The following ITGAL variants were observed in gnomAD, a reference collection of about 807,000 sequenced individuals.
ITGAL encodes the protein integrin alpha-L.
Under a neutral mutation model 138.4 loss-of-function variants are expected in ITGAL, and 68 were observed. That is an observed-to-expected ratio of 0.49 (90% CI 0.40 to 0.60). The LOEUF is 0.60. Ranked by LOEUF, ITGAL falls within the 20% of genes least tolerant of loss-of-function variation. The pLI is 0.00. For missense variants in ITGAL, 1,256 were observed against 1,478.6 expected (o/e 0.85, Z 2.47); for synonymous variants, 561 against 584.3 (o/e 0.96, Z 0.57).
intron 24 of ITGAL, among the ~76,000 whole-genome samples, chr16:30,511,515 C>G (rs573411778): frequency 6.6e-6 from 1 of 152,180 alleles, no homozygotes; most frequent in Non-Finnish European, 1.5e-5. Flanking sequence ...AAGGCCGGCA[C>G]TTACCCAAGG....
rs750907565 is a variant in ITGAL at position 30,511,038 on chromosome 16, GC to G, written c.2700-8del. 2 of 1,613,300 alleles carry G rather than the reference GC, an allele frequency of 1.2e-6. No homozygotes were observed. Among genetic ancestry groups the G allele is most frequent in the Non-Finnish European group, 1.7e-6 (2 of 1,179,394 alleles). On this transcript the variant is annotated splice_polypyrimidine_tract_variant and intron_variant, in intron 23 of 30. Transcript: ENST00000356798. ...TTCTCCTAACACTGGCCTCTTCCTT[GC>G]CCCAATGCAGTAACAATGAGGACTC...
intron 18 of ITGAL, among the ~76,000 whole-genome samples, chr16:30,504,719 A>G (rs1226590244): frequency 6.6e-5 from 10 of 150,528 alleles, no homozygotes; most frequent in East Asian, 2.0e-4. Context: ...AAAGAAGAAA[A>G]AAAAAAAAAA....
chr16:30,499,078 C>T lies in ITGAL; in HGVS notation c.1837C>T (p.Arg613Trp), dbSNP rs1428037729. The change falls in exon 16 of 31, where the codon CGG becomes TGG. Residue 613 changes from arginine (R) to tryptophan (W), a missense_variant. Transcript: ENST00000356798. ...TGGTTGCCTTCTGCCCTGCAGCTCC[C>T]GGCCCGTGGTGGATATGGTCACCCT... The part of the protein sequence containing the change: ...AESQMIVLSS[R>W]PVVDMVTLMS... 6 of 1,613,666 alleles carry T rather than the reference C, an allele frequency of 3.7e-6. No homozygotes were observed. In the Admixed American group the frequency reaches 5.0e-5, roughly 13 times the overall value.
intron 17 of ITGAL, among the ~76,000 whole-genome samples, chr16:30,503,130 A>G (rs2151164681): frequency 6.6e-6 from 1 of 152,212 alleles, no homozygotes; most frequent in South Asian, 2.1e-4. Flanking sequence ...TAAACTTTTT[A>G]TTATGAGAAT....
Position 30,494,330 on chromosome 16 carries a change from C to T in ITGAL, c.1332C>T (p.His444=), listed in dbSNP as rs886682521. 2.5e-6 allele frequency: 4 copies of T among 1,612,328 alleles called. No individual in the cohort carries two copies. The highest frequency in any genetic ancestry group is 1.6e-4 in the Middle Eastern group (1 of 6,072). The stretch of plus-strand genomic sequence containing the variant: ...TCCAAGAGCCACAGGGCGGAGGACA[C>T]TGGAGCCAGGTCCAGACAATCCATG... ...LLFQEPQGGG[H]WSQVQTIHGT... is the part of the protein sequence containing the mutation. Residue 444 remains histidine, a synonymous_variant, in exon 12 of 31, where the codon CAC becomes CAT. Coordinates refer to ENST00000356798, the MANE Select transcript of ITGAL (RefSeq NM_002209.3). This position sits in a 1 kb window ranked among gnomAD's most constrained non-coding sequence, Gnocchi z 4.2.
intron 9 of ITGAL, among the ~76,000 whole-genome samples, chr16:30,484,917 C>CACACA (rs2050617906): frequency 6.6e-6 from 1 of 151,378 alleles, no homozygotes; most frequent in African/African-American, 2.4e-5. Context: ...GACTCAGTCT[C>CACACA]AAACAAAACA....
Position 30,475,366 on chromosome 16 carries a change from G to C in ITGAL, c.225G>C (p.Ser75=). 6.2e-7 allele frequency: 1 copy of C among 1,613,910 alleles called. No homozygotes were observed. The highest frequency in any genetic ancestry group is 8.5e-7 in the Non-Finnish European group (1 of 1,179,856). The part of the protein sequence containing the change: ...NSTGSLYQCQ[S]GTGHCLPVTL... ...CAGGAAGCCTCTATCAGTGCCAGTC[G>C]GGCACAGGACACTGCCTGCCAGTCA... Residue 75 remains serine (S), a synonymous_variant, in exon 3 of 31, where the codon TCG becomes TCC. Transcript: ENST00000356798.
At chr16:30,514,049 A>C (rs2051130841) in intron 25 of ITGAL, among the ~76,000 whole-genome samples, 1 of 152,176 alleles carries the variant, frequency 6.6e-6, no homozygotes, top group African/African-American at 2.4e-5. Flanking sequence ...TGGATGCATT[A>C]TTTCAAGAAT....
At chr16:30,500,394 T>C (rs1295758275) in intron 17 of ITGAL, among the ~76,000 whole-genome samples, 1 of 151,916 alleles carries the variant, frequency 6.6e-6, no homozygotes, top group Admixed American at 6.6e-5. Flanking sequence ...CCATATTTTA[T>C]ATTTTTAGAG....
chr16:30,517,841 G>C lies in ITGAL; in HGVS notation c.3078G>C (p.Arg1026Ser). 6.2e-7 allele frequency: 1 copy of C among 1,614,162 alleles called. No individual in the cohort carries two copies. Among genetic ancestry groups the C allele is most frequent in the South Asian group, 1.1e-5 (1 of 91,088 alleles). ...TGTTCCGCTGCCCTGTTGTCTTCAG[G>C]CAGGAGATCCTCGTCCAAGTGATCG... ...GALFRCPVVF[R>S]QEILVQVIGT... is the part of the protein sequence containing the mutation. Residue 1026 changes from arginine (R) to serine (S), a missense_variant, in exon 28 of 31, where the codon AGG (arginine) becomes AGC (serine). Coordinates refer to ENST00000356798, the MANE Select transcript of ITGAL (RefSeq NM_002209.3).
chr16:30,489,773 TA>T (rs1440483017), intron 11 of ITGAL, among the ~76,000 whole-genome samples: 1 of 151,780 alleles, frequency 6.6e-6, no homozygotes, highest in African/African-American at 2.4e-5. Flanking sequence ...CTGTCTCTAC[TA>T]AAAATACAAA....
rs771305502 is a variant in ITGAL, at chr16:30,481,520, C to T, written c.658C>T (p.Leu220=). The stretch of plus-strand genomic sequence containing the variant: ...TGTTAAACGGAAGGACCCTGATGCT[C>T]TGCTGAAGCATGTAAAGCACATGTT... The part of the protein sequence containing the change: ...DYVKRKDPDA[L]LKHVKHMLLL... The change falls in exon 7 of 31, where the codon CTG becomes TTG. Residue 220 remains leucine (L), a synonymous_variant. Coordinates refer to ENST00000356798, the MANE Select transcript of ITGAL (RefSeq NM_002209.3). 6.2e-7 allele frequency: 1 copy of T among 1,613,516 alleles called. No individual in the cohort carries two copies. Among genetic ancestry groups the T allele is most frequent in the Non-Finnish European group, 8.5e-7 (1 of 1,179,570 alleles).
At chr16:30,493,528 G>A (rs1033917832) in intron 11 of ITGAL, among the ~76,000 whole-genome samples, 2 of 151,892 alleles carry the variant, frequency 1.3e-5, no homozygotes, top group African/African-American at 2.4e-5. Context: ...CACCTGCCTC[G>A]GCCTCCCAAA....
intron 21 of ITGAL, among the ~76,000 whole-genome samples, chr16:30,507,197 C>T (rs950469716): frequency 2.0e-5 from 3 of 151,942 alleles, no homozygotes; most frequent in Admixed American, 6.6e-5. Flanking sequence ...TGGTGGCTCA[C>T]GCCTGTAATC....
At position 30,494,901 on chromosome 16, in the gene ITGAL, C is replaced by G; in HGVS notation, c.1503+51C>G. The stretch of plus-strand genomic sequence containing the variant: ...GGGAGGAGGGAGAGCAGCAGAGATT[C>G]GCAGCTCCCAGTTATTCTGAAGGCT... On this transcript the variant is annotated intron_variant, in intron 13 of 30. Transcript: ENST00000356798. The surrounding 1 kb of genome is among the most constrained non-coding windows in gnomAD (Gnocchi z 4.2). The G allele has an allele frequency of 1.3e-6, 2 of 1,526,442 alleles. No homozygotes were observed. The highest frequency in any genetic ancestry group is 4.6e-5 in the East Asian group (2 of 43,320). The allele number at this position is 1,526,442 out of a possible 1,614,324, so 94.6% of individuals were successfully genotyped here.
In ITGAL at chr16:30,483,893, G is replaced by C. The variant is rs371338502; in HGVS notation, c.789G>C (p.Thr263=). The C allele has an allele frequency of 3.1e-6, 5 of 1,614,080 alleles. No individual in the cohort carries two copies. Among genetic ancestry groups the C allele is most frequent in the South Asian group, 1.1e-5 (1 of 91,078 alleles). Residue 263 remains threonine (T), a synonymous_variant, in exon 8 of 31, where the codon ACG becomes ACC. Coordinates refer to ENST00000356798, the MANE Select transcript of ITGAL (RefSeq NM_002209.3). ...CCACCAAAGTGCTTATCATCATCAC[G>C]GATGGGGAGGCCACTGACAGTGGCA... ...PDATKVLIII[T]DGEATDSGNI... is the part of the protein sequence containing the mutation.
intron 17 of ITGAL, among the ~76,000 whole-genome samples, chr16:30,499,733 A>ATATATTTTT: frequency 2.3e-5 from 2 of 88,362 alleles, no homozygotes; most frequent in South Asian, 7.1e-4. Context: ...ATATATATAT[A>ATATATTTTT]TTTTTTTTTT....
chr16:30,519,989 A>C lies in ITGAL; in HGVS notation c.3339+22A>C, dbSNP rs775278320. The C allele has an allele frequency of 5.9e-6, 9 of 1,538,052 alleles. No homozygotes were observed. The South Asian group carries it at 1.0e-4, about 17-fold the overall frequency. ...CAAGGTGGGTGCCTCCGGGGGTCAC[A>C]GGCATTGCTGAGACAGCCAGGCTGG... is the stretch of plus-strand genomic sequence containing the variant. On this transcript the variant is annotated intron_variant, in intron 30 of 30. Transcript: ENST00000356798.
Position 30,521,864 on chromosome 16 carries a change from G to T in ITGAL, c.*199G>T, listed in dbSNP as rs2151211717. On this transcript the variant is annotated 3_prime_UTR_variant, in exon 31 of 31. Coordinates refer to ENST00000356798, the MANE Select transcript of ITGAL (RefSeq NM_002209.3). ...ATAGGGAAGACCTGCTGAGGGACCAGCCAAGAGGGCTGCAAAAGTGAGGGC... is the reference window on the plus strand; with the variant it reads ...ATAGGGAAGACCTGCTGAGGGACCATCCAAGAGGGCTGCAAAAGTGAGGGC... The T allele has an allele frequency of 3.6e-6, 2 of 559,060 alleles. No individual in the cohort carries two copies. The highest frequency in any genetic ancestry group is 6.0e-5 in the East Asian group (2 of 33,210). The allele number at this position is 559,060 out of a possible 1,614,324, so 34.6% of individuals were successfully genotyped here.
Sources: gnomAD v4.1 joint callset for allele counts (sites outside exome capture counted in the v4.1 genomes callset) on GRCh38, gnomAD v4.1.1 for gene constraint, Gnocchi (gnomAD v3.1) non-coding constraint, MANE v1.5 for transcripts, NCBI Gene and HGNC (gene_info 2026-07-23, HGNC 2026-07-21) for gene names.